The following RIMS1 variants were observed in gnomAD, a reference collection of about 807,000 sequenced individuals.
RIMS1 encodes regulating synaptic membrane exocytosis protein 1.
A neutral mutation model predicts 214.1 loss-of-function variants in RIMS1; 83 were observed. The ratio of observed to expected loss-of-function variants is 0.39; its 90% confidence interval spans 0.32 to 0.47. The LOEUF (loss-of-function observed/expected upper bound fraction) is 0.47, where lower values mean the gene tolerates loss of function less well. Among genes scored for constraint, RIMS1 ranks in the 20% least tolerant of loss-of-function variants. The pLI is 0.99. For synonymous variants in RIMS1, 793 were observed against 786.8 expected, an observed-to-expected ratio of 1.01 and a Z score of -0.13; for missense variants, 2,050 against 2,161.8, an observed-to-expected ratio of 0.95 and a Z score of 1.03.
At chr6:72,312,457 C>CT (rs1471887639) in intron 27 of RIMS1, among the ~76,000 whole-genome samples, 1 of 151,914 alleles carries the variant, frequency 6.6e-6, no homozygotes, top group Non-Finnish European at 1.5e-5. Context: ...AAGCTATTCA[C>CT]TGTGTGGTTC....
At chr6:72,252,701 T>C (rs758663846) in intron 15 of RIMS1, 60 bp from the exon 16 acceptor site, 1 of 1,402,428 alleles carries the variant, frequency 7.1e-7, no homozygotes, top group Non-Finnish European at 9.9e-7. Context: ...TTGACAGTGC[T>C]CTTTACGTTT....
In RIMS1 at chr6:72,226,441, T is replaced by C. The variant is rs550446378; in HGVS notation, c.1679-7332T>C. On this transcript the variant is annotated intron_variant, in intron 6 of 33. Coordinates refer to ENST00000521978, the MANE Select transcript of RIMS1 (RefSeq NM_014989.7). ...TTCAAAGCAAACCCACAATGTTTTC[T>C]GTTTTCTCAAAGCCCCATTATCTAC... Among the ~76,000 whole-genome samples the C allele has an allele frequency of 1.5e-4, 23 of 152,244 alleles. No individual in the cohort carries two copies. The South Asian group carries it at 3.9e-3, about 26-fold the overall frequency.
intron 4 of RIMS1, among the ~76,000 whole-genome samples, chr6:72,107,088 T>A (rs1442445599): frequency 1.3e-5 from 2 of 152,236 alleles, no homozygotes; most frequent in Non-Finnish European, 2.9e-5. Flanking sequence ...GAGTGCTCCC[T>A]GAGTGTACCA....
chr6:72,162,527 G>A (rs1039123074), intron 4 of RIMS1, among the ~76,000 whole-genome samples: 3 of 140,800 alleles, frequency 2.1e-5, no homozygotes, highest in African/African-American at 4.9e-5. Context: ...GGCTGGTACT[G>A]GTTGTTCCTT....
At chr6:72,387,823 G>A (rs547800611) in intron 29 of RIMS1, among the ~76,000 whole-genome samples, 2 of 152,264 alleles carry the variant, frequency 1.3e-5, no homozygotes, top group Non-Finnish European at 2.9e-5. Flanking sequence ...TCAACTTCTA[G>A]TAATTCATTC....
At chr6:72,266,970 T>A (rs1460395023) in intron 22 of RIMS1, among the ~76,000 whole-genome samples, 1 of 152,142 alleles carries the variant, frequency 6.6e-6, no homozygotes, top group African/African-American at 2.4e-5. Context: ...AACTTTCTAA[T>A]CTGAGTCTAT....
chr6:72,024,074 T>A (rs912845734), intron 2 of RIMS1, among the ~76,000 whole-genome samples: 1 of 152,192 alleles, frequency 6.6e-6, no homozygotes, highest in African/African-American at 2.4e-5. Flanking sequence ...ATGATTTTAA[T>A]GTACTAATTA....
At chr6:72,196,599 T>TTTTTTTTTTTTTTTTTTTTTG (rs2051008929) in intron 6 of RIMS1, among the ~76,000 whole-genome samples, 1 of 137,606 alleles carries the variant, frequency 7.3e-6, no homozygotes, top group Non-Finnish European at 1.6e-5. Context: ...TTTTTTTTTT[T>TTTTTTTTTTTTTTTTTTTTTG]TTTTACCTAT....
At chr6:72,185,759 A>T (rs1351180704) in intron 6 of RIMS1, among the ~76,000 whole-genome samples, 1 of 152,212 alleles carries the variant, frequency 6.6e-6, no homozygotes. Flanking sequence ...CAAAAATGTC[A>T]GACAGAAATT....
chr6:72,090,184 T>C (rs1285729256), intron 2 of RIMS1, among the ~76,000 whole-genome samples: 2 of 152,096 alleles, frequency 1.3e-5, no homozygotes, highest in African/African-American at 4.8e-5. Flanking sequence ...AAAAAATTTT[T>C]TTTATAGAGA....
chr6:72,193,733 A>G (rs1291001557), intron 6 of RIMS1, among the ~76,000 whole-genome samples: 2 of 152,198 alleles, frequency 1.3e-5, no homozygotes, highest in Non-Finnish European at 1.5e-5. Flanking sequence ...TTTGGATGAG[A>G]TAATGCATCT....
intron 28 of RIMS1, chr6:72,317,078 G>T: frequency 2.4e-6 from 1 of 423,752 alleles, no homozygotes; most frequent in South Asian, 2.1e-5. Context: ...GGCAGGGGTG[G>T]GGTGGGCACC....
chr6:71,975,273 T>G (rs1283740304), intron 2 of RIMS1, among the ~76,000 whole-genome samples: 1 of 152,178 alleles, frequency 6.6e-6, no homozygotes, highest in Non-Finnish European at 1.5e-5. Context: ...AAAACAAACT[T>G]GTCCCGGTTT....
At chr6:72,358,988 T>C (rs975927779) in intron 29 of RIMS1, among the ~76,000 whole-genome samples, 4 of 152,202 alleles carry the variant, frequency 2.6e-5, no homozygotes, top group Admixed American at 2.6e-4. Flanking sequence ...CTAAGGGTCA[T>C]TCTTTAATCT....
At chr6:71,922,049 G>A (rs924301514) in intron 1 of RIMS1, among the ~76,000 whole-genome samples, 3 of 152,110 alleles carry the variant, frequency 2.0e-5, no homozygotes, top group East Asian at 3.9e-4. Context: ...ACCCAGCTTC[G>A]GTCTATTTCC....
In RIMS1 at chr6:72,390,685, C is replaced by A; in HGVS notation, c.4454C>A (p.Pro1485Gln). Reference protein sequence around the residue: ...AAEMRKMVRQPSRESTDGSIN... With the variant: ...AAEMRKMVRQQSRESTDGSIN... ...GAAATGAGAAAGATGGTAAGGCAGC[C>A]GAGCCGAGAGTCTACTGATGGCAGC... Residue 1485 changes from proline to glutamine, a missense_variant, in exon 30 of 34, where the codon CCG (proline) becomes CAG (glutamine). This residue lies in a region of RIMS1 where 121 missense variants were observed against 187.3 expected (regional missense o/e 0.65). Transcript: ENST00000521978. 2 of 1,613,756 alleles carry A rather than the reference C, an allele frequency of 1.2e-6. No homozygotes were observed. Among genetic ancestry groups the A allele is most frequent in the Non-Finnish European group, 1.7e-6 (2 of 1,179,802 alleles).
intron 1 of RIMS1, among the ~76,000 whole-genome samples, chr6:71,901,456 A>G (rs1252050035): frequency 2.0e-5 from 3 of 152,176 alleles, no homozygotes; most frequent in Non-Finnish European, 2.9e-5. Context: ...ACATTGATAC[A>G]TAAACAACAT....
In RIMS1 at chr6:72,159,876, C is replaced by T. The variant is rs1441968951; in HGVS notation, c.472-19699C>T. The stretch of plus-strand genomic sequence containing the variant: ...AAGGATTGACTTGGCAATGCGGGCT[C>T]TTTTTTGGTTCCATGTGAACTTTAA... On this transcript the variant is annotated intron_variant, in intron 4 of 33. Coordinates refer to ENST00000521978, the MANE Select transcript of RIMS1 (RefSeq NM_014989.7). Among the ~76,000 whole-genome samples the T allele has an allele frequency of 1.4e-5, 2 of 139,904 alleles. 1 individual carries two copies. Among genetic ancestry groups the T allele is most frequent in the Non-Finnish European group, 3.2e-5 (2 of 61,672 alleles). 91.8% of individuals were successfully genotyped at this position (139,904 alleles called of 152,430 possible). A position where few individuals can be genotyped will look rare whatever the true frequency, so the allele number is the denominator to read the frequency against.
chr6:72,067,128 T>C (rs1829509316), intron 2 of RIMS1, among the ~76,000 whole-genome samples: 1 of 152,166 alleles, frequency 6.6e-6, no homozygotes, highest in African/African-American at 2.4e-5. Flanking sequence ...CTCCTGCCCC[T>C]AGAAAAAGCC....
Sources: allele counts gnomAD v4.1 joint callset (sites outside exome capture counted in the v4.1 genomes callset), GRCh38; gene constraint gnomAD v4.1.1; regional missense constraint gnomAD v4.1.1; transcripts MANE v1.5; gene names NCBI Gene and HGNC (gene_info 2026-07-23, HGNC 2026-07-21).